The following COG2 variants were observed in gnomAD, a reference collection of about 807,000 sequenced individuals.
The protein encoded by COG2 is component of oligomeric golgi complex 2.
A neutral mutation model predicts 90.6 loss-of-function variants in COG2; 52 were observed. That is an observed-to-expected ratio of 0.57 (90% CI 0.46 to 0.72). COG2 has a LOEUF of 0.72. COG2 is among the 30% of genes least tolerant of loss of function. The pLI, the probability that COG2 is intolerant of heterozygous loss-of-function variation, is 0.00. For synonymous variants in COG2, 337 were observed against 320.4 expected (o/e 1.05, Z -0.55); for missense variants, 829 against 891.2 (o/e 0.93, Z 0.89).
At chr1:230,683,325 A>G (rs1662799179) in intron 10 of COG2, 1 of 397,230 alleles carries the variant, frequency 2.5e-6, no homozygotes, top group Admixed American at 4.2e-5. Flanking sequence ...TTTGAGAAAC[A>G]TGGGGTAAGT....
At chr1:230,683,095 G>T (rs2479131) in intron 10 of COG2, 50,740 of 155,610 alleles carry the variant, frequency 0.33, 9,892 homozygotes, top group Non-Finnish European at 0.44. Flanking sequence ...GTGAGTTCTA[G>T]TTTTAACTGG....
chr1:230,683,382 T>C, intron 10 of COG2, 192 bp from the exon 11 acceptor site: 1 of 529,364 alleles, frequency 1.9e-6, no homozygotes, highest in Non-Finnish European at 3.3e-6. Flanking sequence ...TATATAACAG[T>C]GGCTTAGTCA....
chr1:230,683,399 C>G, intron 10 of COG2, 175 bp from the exon 11 acceptor site: 1 of 513,412 alleles, frequency 1.9e-6, no homozygotes, highest in East Asian at 3.1e-5. Flanking sequence ...GTCACGATTT[C>G]TTGTTCAGTT....
chr1:230,644,912 G>A (rs1324030711), intron 1 of COG2, among the ~76,000 whole-genome samples: 1 of 152,112 alleles, frequency 6.6e-6, no homozygotes, highest in African/African-American at 2.4e-5. Flanking sequence ...AATACAGGAG[G>A]GGATAGTTTG....
Position 230,642,646 on chromosome 1 carries a change from A to G in COG2, c.40A>G (p.Thr14Ala). The change falls in exon 1 of 18, where the codon ACG becomes GCG. Residue 14 changes from threonine (T) to alanine (A), a missense_variant. Thr to Ala is a moderately conservative substitution (Grantham distance 58). Transcript: ENST00000366669. ...GATGAACCTGCCCAAGGGGCCGGAC[A>G]CGCTCTGCTTCGACAAGGACGAGTT... The part of the protein sequence containing the change: ...SRMNLPKGPD[T>A]LCFDKDEFMK... 6.2e-7 allele frequency: 1 copy of G among 1,613,216 alleles called. No homozygotes were observed. Among genetic ancestry groups the G allele is most frequent in the East Asian group, 2.2e-5 (1 of 44,804 alleles).
At chr1:230,676,600 A>C (rs928541021) in intron 9 of COG2, among the ~76,000 whole-genome samples, 3 of 152,112 alleles carry the variant, frequency 2.0e-5, no homozygotes, top group African/African-American at 4.8e-5. Context: ...GTCCTCTGGG[A>C]ATTACCCTAC....
At chr1:230,647,485 G>T (rs1157168013) in intron 1 of COG2, among the ~76,000 whole-genome samples, 1 of 152,190 alleles carries the variant, frequency 6.6e-6, no homozygotes, top group Non-Finnish European at 1.5e-5. Flanking sequence ...GTGTGATTTT[G>T]TGCAAATCGC....
intron 13 of COG2, among the ~76,000 whole-genome samples, chr1:230,687,578 G>T (rs1404121641): frequency 6.6e-6 from 1 of 152,094 alleles, no homozygotes; most frequent in African/African-American, 2.4e-5. Flanking sequence ...CTTTGAAAGT[G>T]CTAAAATATT....
In COG2 at chr1:230,693,538, C is replaced by G; in HGVS notation, c.*145C>G. The G allele has an allele frequency of 1.9e-6, 1 of 530,814 alleles. No homozygotes were observed. Among genetic ancestry groups the G allele is most frequent in the East Asian group, 3.1e-5 (1 of 31,844 alleles). 32.9% of individuals were successfully genotyped at this position (530,814 alleles called of 1,614,324 possible). ...GCATCACTCCAGCAACACGCCCATGCGTCTTCTCTCAGCGTATTTGGGTCT... is the reference window on the plus strand; with the variant it reads ...GCATCACTCCAGCAACACGCCCATGGGTCTTCTCTCAGCGTATTTGGGTCT... On this transcript the variant is annotated 3_prime_UTR_variant, in exon 18 of 18. Transcript: ENST00000366669.
chr1:230,690,104 G>C lies in COG2; in HGVS notation c.1885G>C (p.Ala629Pro), dbSNP rs766651979. ...QSGHKDKLKQAIIQQWLEGTL... is the reference protein window; with the variant it reads ...QSGHKDKLKQPIIQQWLEGTL... ...CGGACACAAGGATAAGCTCAAACAA[G>C]CAATAATTCAGCAGTGGCTAGAAGG... is the stretch of plus-strand genomic sequence containing the variant. Residue 629 changes from alanine to proline, a missense_variant, in exon 16 of 18, where the codon GCA (alanine) becomes CCA (proline). Physicochemically the swap from Ala to Pro is conservative, Grantham distance 27. Transcript: ENST00000366669. 6.2e-7 allele frequency: 1 copy of C among 1,613,594 alleles called. No individual in the cohort carries two copies. Among genetic ancestry groups the C allele is most frequent in the Non-Finnish European group, 8.5e-7 (1 of 1,179,828 alleles).
chr1:230,693,409 C>G lies in COG2; in HGVS notation c.*16C>G, dbSNP rs938453890. 3.3e-6 allele frequency: 5 copies of G among 1,532,314 alleles called. No homozygotes were observed. Among genetic ancestry groups the G allele is most frequent in the Non-Finnish European group, 4.5e-6 (5 of 1,112,402 alleles). 94.9% of individuals were successfully genotyped at this position (1,532,314 alleles called of 1,614,324 possible). ...GCAGCCTTAAGCATCTTGGAAGATC[C>G]CGAGGTTAGATTCTTAAGCAAGAGA... is the stretch of plus-strand genomic sequence containing the variant. On this transcript the variant is annotated 3_prime_UTR_variant, in exon 18 of 18. Transcript: ENST00000366669.
At chr1:230,661,784 G>C (rs1558270937) in intron 3 of COG2, among the ~76,000 whole-genome samples, 1 of 152,122 alleles carries the variant, frequency 6.6e-6, no homozygotes, top group Non-Finnish European at 1.5e-5. Context: ...GTTGTGCCTT[G>C]AACTAGCAAA....
intron 12 of COG2, among the ~76,000 whole-genome samples, 168 bp downstream of exon 12, chr1:230,685,404 T>C (rs186888222): frequency 1.0e-3 from 155 of 152,330 alleles, no homozygotes; most frequent in Middle Eastern, 3.4e-3. Flanking sequence ...GTTTCATTTT[T>C]ACTCCTGCGA....
intron 1 of COG2, among the ~76,000 whole-genome samples, chr1:230,654,353 A>G (rs1014477234): frequency 6.6e-6 from 1 of 152,176 alleles, no homozygotes; most frequent in Non-Finnish European, 1.5e-5. Flanking sequence ...CTTTCCCAAC[A>G]TCATTTATTA....
chr1:230,672,012 A>C (rs1662460222), intron 8 of COG2, among the ~76,000 whole-genome samples: 1 of 152,208 alleles, frequency 6.6e-6, no homozygotes, highest in African/African-American at 2.4e-5. Flanking sequence ...GTTTTATACT[A>C]ATTGTGAACT....
chr1:230,669,828 A>G (rs1662404636), intron 7 of COG2: 1 of 285,968 alleles, frequency 3.5e-6, no homozygotes, highest in Non-Finnish European at 6.6e-6. Context: ...ATGGGAGGCG[A>G]TGGTTCCTCA....
At chr1:230,691,253 C>G in intron 16 of COG2, 131 bp from the exon 17 acceptor site, 1 of 640,508 alleles carries the variant, frequency 1.6e-6, no homozygotes. Context: ...AAATACTTAC[C>G]GTGGTTGAAT....
intron 14 of COG2, 66 bp downstream of exon 14, chr1:230,688,209 C>A: frequency 1.6e-6 from 2 of 1,286,674 alleles, no homozygotes; most frequent in Non-Finnish European, 2.2e-6. Context: ...ATCTCAGAGA[C>A]TGTAGGGTAT....
At position 230,688,449 on chromosome 1, in the gene COG2, T is replaced by C. The variant is rs762727090; in HGVS notation, c.1681T>C (p.Ser561Pro). The C allele has an allele frequency of 2.5e-6, 4 of 1,613,958 alleles. No individual in the cohort carries two copies. The Admixed American group carries it at 5.0e-5, about 20-fold the overall frequency. The change falls in exon 15 of 18, where the codon TCA (serine) becomes CCA (proline). Residue 561 changes from serine (S) to proline (P), a missense_variant. Ser to Pro is a moderately conservative substitution (Grantham distance 74). Transcript: ENST00000366669. ...CCTGGAGGACTCCCAGAGCTCTTTT[T>C]CAGCCTGTGTGCCCTCCTTGAGTAG... ...AALEDSQSSF[S>P]ACVPSLSSKI...
Sources: allele counts gnomAD v4.1 joint callset (sites outside exome capture counted in the v4.1 genomes callset), GRCh38; gene constraint gnomAD v4.1.1; transcripts MANE v1.5; gene names NCBI Gene and HGNC (gene_info 2026-07-23, HGNC 2026-07-21).